DISP1: variants seen among roughly 807,000 people sequenced by gnomAD.
DISP1 encodes dispatched RND transporter family member 1, also known as protein dispatched homolog 1.
In DISP1, 30 loss-of-function variants were observed where a neutral mutation model predicts 37.3. The observed-to-expected ratio is 0.80, with a 90% CI of 0.60 to 1.09. The LOEUF is 1.09. Ranked by LOEUF, DISP1 falls within the 50% of genes least tolerant of loss-of-function variation. The pLI is 0.00. For synonymous variants in DISP1, 634 were observed against 690.2 expected (o/e 0.92, Z 1.28); for missense variants, 1,598 against 1,879.5 (o/e 0.85, Z 2.77).
chr1:222,866,414 G>A (rs189534935), intron 1 of DISP1, among the ~76,000 whole-genome samples: 12 of 151,994 alleles, frequency 7.9e-5, no homozygotes, highest in Non-Finnish European at 1.5e-4. Context: ...GTACAATCTC[G>A]GCTCACTGCA....
At chr1:222,850,998 A>T (rs1668198204) in intron 1 of DISP1, among the ~76,000 whole-genome samples, 2 of 151,678 alleles carry the variant, frequency 1.3e-5, no homozygotes, top group South Asian at 4.2e-4. Flanking sequence ...AGATCTCTGA[A>T]TGTCCTTCAG....
intron 8 of DISP1, among the ~76,000 whole-genome samples, chr1:223,000,988 T>A (rs1443161878): frequency 2.6e-5 from 4 of 152,204 alleles, no homozygotes; most frequent in Non-Finnish European, 5.9e-5. Context: ...CAGGTCATCT[T>A]TAGTTCTGGT....
At chr1:222,968,321 C>A (rs937697735) in intron 3 of DISP1, among the ~76,000 whole-genome samples, 3 of 152,148 alleles carry the variant, frequency 2.0e-5, no homozygotes, top group Non-Finnish European at 4.4e-5. Flanking sequence ...CCACTATTCT[C>A]CTGCCCAGTT....
chr1:222,822,947 C>T (rs1161358097), intron 1 of DISP1, among the ~76,000 whole-genome samples: 1 of 152,194 alleles, frequency 6.6e-6, no homozygotes, highest in African/African-American at 2.4e-5. Flanking sequence ...CAAAGGAAAT[C>T]TGCTTCTCTC....
chr1:223,001,834 C>T (rs1452319137), intron 8 of DISP1, among the ~76,000 whole-genome samples: 1 of 152,186 alleles, frequency 6.6e-6, no homozygotes, highest in Non-Finnish European at 1.5e-5. Context: ...GGAGCACAAA[C>T]ATTCAGACCA....
intron 1 of DISP1, among the ~76,000 whole-genome samples, chr1:222,910,008 C>T (rs1361755331): frequency 2.0e-5 from 3 of 152,154 alleles, no homozygotes; most frequent in Admixed American, 6.5e-5. Flanking sequence ...GTTTAGTGAC[C>T]AGAAACTGAA....
intron 2 of DISP1, among the ~76,000 whole-genome samples, chr1:222,938,434 C>A (rs1674129650): frequency 6.6e-6 from 1 of 151,744 alleles, no homozygotes. Flanking sequence ...TCATTTATCT[C>A]AGTTCTAAAG....
At chr1:222,954,564 A>G (rs1037117551) in intron 3 of DISP1, among the ~76,000 whole-genome samples, 16 of 152,366 alleles carry the variant, frequency 1.1e-4, no homozygotes, top group South Asian at 2.1e-4. Context: ...AACAACTTAT[A>G]GTCTAGAAGG....
At chr1:222,894,047 C>T (rs1250395314) in intron 1 of DISP1, among the ~76,000 whole-genome samples, 1 of 152,140 alleles carries the variant, frequency 6.6e-6, no homozygotes, top group Non-Finnish European at 1.5e-5. Flanking sequence ...TTCCTTCTCC[C>T]AGCCGGTAGT....
intron 1 of DISP1, among the ~76,000 whole-genome samples, chr1:222,851,544 A>T (rs1350552330): frequency 2.0e-5 from 3 of 152,314 alleles, no homozygotes; most frequent in East Asian, 3.9e-4. Flanking sequence ...TTTCTATACA[A>T]TAAAAAGTGT....
At position 223,003,265 on chromosome 1, in the gene DISP1, A is replaced by G; in HGVS notation, c.1868A>G (p.Tyr623Cys). The G allele has an allele frequency of 6.2e-7, 1 of 1,614,188 alleles. No individual in the cohort carries two copies. The highest frequency in any genetic ancestry group is 8.5e-7 in the Non-Finnish European group (1 of 1,180,014). The change falls in exon 9 of 9, where the codon TAT becomes TGT. Residue 623 changes from tyrosine (Y) to cysteine (C), a missense_variant. Physicochemically the swap from Tyr to Cys is radical, Grantham distance 194. Transcript: ENST00000675850. This position sits in a 1 kb window ranked among gnomAD's most constrained non-coding sequence, Gnocchi z 4.3. Reference sequence around the variant, plus strand: ...ACTGCTGCTGCCTTTTATGCTAACTATGTTAGCAACATTACAGCAATCCGA... The same window carrying G: ...ACTGCTGCTGCCTTTTATGCTAACTGTGTTAGCAACATTACAGCAATCCGA... ...FTTAAAFYAN[Y>C]VSNITAIRCF... is the part of the protein sequence containing the mutation.
chr1:222,984,421 A>AAATATATATAT (rs1553254646), intron 4 of DISP1, among the ~76,000 whole-genome samples: 1 of 105,798 alleles, frequency 9.5e-6, no homozygotes, highest in African/African-American at 3.9e-5. Flanking sequence ...AAAAAAAAAA[A>AAATATATATAT]ATATATATAT....
At chr1:222,850,511 G>GT in intron 1 of DISP1, among the ~76,000 whole-genome samples, 1 of 151,916 alleles carries the variant, frequency 6.6e-6, no homozygotes, top group Non-Finnish European at 1.5e-5. Flanking sequence ...GTATCATGGG[G>GT]TTTTTTTGTA....
In DISP1 at chr1:222,935,477, A is replaced by G. The variant is rs530569988; in HGVS notation, c.-18+6907A>G. 2.0e-5 allele frequency among the ~76,000 whole-genome samples: 3 copies of G among 152,286 alleles called. No homozygotes were observed. In the East Asian group the frequency reaches 5.8e-4, roughly 29 times the overall value. On this transcript the variant is annotated intron_variant, in intron 2 of 8. Coordinates refer to ENST00000675850, the MANE Select transcript of DISP1 (RefSeq NM_001377229.1). ...ATCAGTATGTGACTTTGAGCACCTT[A>G]CTTAGAATCTCTATGTTGTTTTCTC... is the stretch of plus-strand genomic sequence containing the variant.
chr1:223,002,309 G>C (rs1352988887), intron 8 of DISP1, 76 bp from the exon 9 acceptor site: 1 of 1,326,504 alleles, frequency 7.5e-7, no homozygotes, highest in Non-Finnish European at 1.1e-6. Context: ...GATCACCTTA[G>C]TGCAGTCCTT....
rs1425668107 is a variant in DISP1, at chr1:223,004,125, C to T, written c.2728C>T (p.Pro910Ser). Residue 910 changes from proline to serine, a missense_variant, in exon 9 of 9, where the codon CCA (proline) becomes TCA (serine). Transcript: ENST00000675850. The surrounding 1 kb of genome is among the most constrained non-coding windows in gnomAD (Gnocchi z 4.9). ...STGYHLDSKTPGPRFDINDTI... is the reference protein window; with the variant it reads ...STGYHLDSKTSGPRFDINDTI... ...AGGGTACCATTTGGATAGCAAAACC[C>T]CAGGGCCGAGGTTTGATATCAATGA... is the stretch of plus-strand genomic sequence containing the variant. 5 of 1,614,108 alleles carry T rather than the reference C, an allele frequency of 3.1e-6. No homozygotes were observed. Among genetic ancestry groups the T allele is most frequent in the Admixed American group, 1.7e-5 (1 of 60,026 alleles).
chr1:222,841,285 C>G (rs1013582378), intron 1 of DISP1, among the ~76,000 whole-genome samples: 2 of 152,178 alleles, frequency 1.3e-5, no homozygotes, highest in Non-Finnish European at 2.9e-5. Flanking sequence ...TCTCATAACA[C>G]TAAACAAACC....
intron 1 of DISP1, among the ~76,000 whole-genome samples, chr1:222,829,115 T>G (rs1411889800): frequency 6.6e-6 from 1 of 152,166 alleles, no homozygotes; most frequent in Non-Finnish European, 1.5e-5. Flanking sequence ...AAAACTCCCC[T>G]TACTGAAGGT....
chr1:222,979,626 A>G (rs1343390642), intron 3 of DISP1: 7 of 470,982 alleles, frequency 1.5e-5, no homozygotes, highest in Non-Finnish European at 2.6e-5. Context: ...TTGTAGATTC[A>G]CCAGAAAAAC....
Sources: gnomAD v4.1 joint callset for allele counts (sites outside exome capture counted in the v4.1 genomes callset) on GRCh38, gnomAD v4.1.1 for gene constraint, Gnocchi (gnomAD v3.1) non-coding constraint, MANE v1.5 for transcripts, NCBI Gene and HGNC (gene_info 2026-07-23, HGNC 2026-07-21) for gene names.